TNRC6C: variants seen among roughly 807,000 people sequenced by gnomAD.
The protein encoded by TNRC6C is trinucleotide repeat containing adaptor 6C.
A neutral mutation model predicts 153.7 loss-of-function variants in TNRC6C; 20 were observed. That is an observed-to-expected ratio of 0.13 (90% CI 0.09 to 0.19). The LOEUF (loss-of-function observed/expected upper bound fraction) is 0.19. Ranked by LOEUF, TNRC6C falls within the 10% of genes least tolerant of loss-of-function variation. The pLI, the probability that TNRC6C is intolerant of heterozygous loss-of-function variation, is 1.00. For missense variants in TNRC6C, 1,987 were observed against 2,172.0 expected, an observed-to-expected ratio of 0.91 and a Z score of 1.69; for synonymous variants, 811 against 841.4, an observed-to-expected ratio of 0.96 and a Z score of 0.63.
intron 14 of TNRC6C, among the ~76,000 whole-genome samples, chr17:78,092,408 G>A (rs2073409680): frequency 6.6e-6 from 1 of 152,176 alleles, no homozygotes; most frequent in African/African-American, 2.4e-5. Flanking sequence ...TAAAAGGAGG[G>A]AAGAGATAAC....
intron 1 of TNRC6C, among the ~76,000 whole-genome samples, chr17:77,987,934 CCT>C (rs2071194644): frequency 6.6e-6 from 1 of 151,828 alleles, no homozygotes; most frequent in Admixed American, 6.6e-5. Context: ...CCCGCCTTGG[CCT>C]CTCAAAGTGC....
chr17:78,061,079 T>C (rs867706612), intron 3 of TNRC6C, among the ~76,000 whole-genome samples: 3 of 152,218 alleles, frequency 2.0e-5, no homozygotes, highest in Non-Finnish European at 2.9e-5. Flanking sequence ...ATCCTGGCTG[T>C]GTTTTATTAT....
intron 17 of TNRC6C, among the ~76,000 whole-genome samples, chr17:78,100,693 G>A (rs2144645454): frequency 6.6e-6 from 1 of 152,062 alleles, no homozygotes; most frequent in South Asian, 2.1e-4. Context: ...ATTGTCTTAG[G>A]GATTAACATG....
chr17:77,997,906 G>A (rs1447685819), intron 1 of TNRC6C, among the ~76,000 whole-genome samples: 2 of 151,936 alleles, frequency 1.3e-5, no homozygotes, highest in African/African-American at 4.8e-5. Context: ...CACCCACCTC[G>A]GCCTCCCAAC....
At chr17:78,083,254 T>A in intron 11 of TNRC6C, 88 bp downstream of exon 13, 1 of 1,554,542 alleles carries the variant, frequency 6.4e-7, no homozygotes, top group Non-Finnish European at 8.8e-7. Flanking sequence ...TGATAATGTT[T>A]GTCTTCACGT....
chr17:78,021,121 TA>T (rs1326711418), intron 1 of TNRC6C, among the ~76,000 whole-genome samples: 2 of 152,184 alleles, frequency 1.3e-5, no homozygotes, highest in African/African-American at 4.8e-5. Context: ...CACTGTCCAG[TA>T]GGTAGCTGAA....
At chr17:78,076,923 G>A (rs947251893) in intron 8 of TNRC6C, among the ~76,000 whole-genome samples, 2 of 152,164 alleles carry the variant, frequency 1.3e-5, no homozygotes, top group Non-Finnish European at 2.9e-5. Context: ...TCCTACCTGA[G>A]GCAGGGCCAA....
intron 18 of TNRC6C, chr17:78,102,854 C>A: frequency 2.9e-6 from 1 of 346,008 alleles, no homozygotes; most frequent in South Asian, 4.0e-5. Context: ...GTGGTTGGGC[C>A]TGGCTGGGCG....
At chr17:78,024,936 G>C (rs1196055776) in intron 1 of TNRC6C, among the ~76,000 whole-genome samples, 1 of 151,824 alleles carries the variant, frequency 6.6e-6, no homozygotes, top group Non-Finnish European at 1.5e-5. Context: ...TGGGATTACA[G>C]GTGTGCGCCA....
chr17:78,062,254 G>A (rs756056008), intron 3 of TNRC6C, among the ~76,000 whole-genome samples: 2 of 152,150 alleles, frequency 1.3e-5, no homozygotes, highest in African/African-American at 2.4e-5. Flanking sequence ...GTAACTATTT[G>A]CATAATATAT....
At chr17:78,029,793 CTT>C (rs534185014) in intron 1 of TNRC6C, among the ~76,000 whole-genome samples, 1 of 143,310 alleles carries the variant, frequency 7.0e-6, no homozygotes, top group South Asian at 2.2e-4. Context: ...AACTTTTAAA[CTT>C]ATTAAAAACC....
At chr17:77,989,279 G>A (rs955076358) in intron 1 of TNRC6C, among the ~76,000 whole-genome samples, 2 of 152,318 alleles carry the variant, frequency 1.3e-5, no homozygotes, top group Admixed American at 6.5e-5. Flanking sequence ...ATGCAAGTAA[G>A]ACTATTAGTA....
intron 1 of TNRC6C, among the ~76,000 whole-genome samples, chr17:77,980,412 C>T (rs905869873): frequency 6.6e-6 from 1 of 152,172 alleles, no homozygotes; most frequent in Non-Finnish European, 1.5e-5. Flanking sequence ...ACTTCTTTGA[C>T]CAAATGTGTG....
intron 1 of TNRC6C, among the ~76,000 whole-genome samples, chr17:77,974,481 C>T (rs577769820): frequency 1.3e-5 from 2 of 151,952 alleles, no homozygotes; most frequent in East Asian, 1.9e-4. Flanking sequence ...TTACCACCCC[C>T]GCCCCGCCCC....
chr17:78,043,311 A>G (rs1235834186), intron 2 of TNRC6C, among the ~76,000 whole-genome samples: 1 of 152,204 alleles, frequency 6.6e-6, no homozygotes, highest in Non-Finnish European at 1.5e-5. Context: ...CTATCCCAAG[A>G]AGTGCAAGGA....
chr17:77,958,383 C>CGCGCGTCCCGGCCACTCGGA (rs1251481257), upstream of TNRC6C, among the ~76,000 whole-genome samples: 52 of 152,096 alleles, frequency 3.4e-4, no homozygotes, highest in South Asian at 3.9e-3. Flanking sequence ...CCAGGACTGG[C>CGCGCGTCCCGGCCACTCGGA]GCGCGTCCCG....
intron 1 of TNRC6C, among the ~76,000 whole-genome samples, chr17:78,028,075 T>A (rs993442866): frequency 6.6e-6 from 1 of 152,092 alleles, no homozygotes; most frequent in Non-Finnish European, 1.5e-5. Context: ...TTTTTTTGTA[T>A]TTTTAGTAGA....
intron 1 of TNRC6C, among the ~76,000 whole-genome samples, chr17:78,014,093 T>A (rs2071685780): frequency 6.6e-6 from 1 of 152,200 alleles, no homozygotes; most frequent in Admixed American, 6.5e-5. Context: ...ATACCTAAGA[T>A]TACTGCTATT....
At chr17:78,022,212 A>G (rs1167273351) in intron 1 of TNRC6C, among the ~76,000 whole-genome samples, 1 of 152,322 alleles carries the variant, frequency 6.6e-6, no homozygotes, top group East Asian at 1.9e-4. Context: ...CTCACATAAC[A>G]GTTATTCAAG....
Sources: gnomAD v4.1 joint callset for allele counts (sites outside exome capture counted in the v4.1 genomes callset) on GRCh38, gnomAD v4.1.1 for gene constraint, MANE v1.5 for transcripts, NCBI Gene and HGNC (gene_info 2026-07-23, HGNC 2026-07-21) for gene names.